The following CHD4 variants were observed in gnomAD, a reference collection of about 807,000 sequenced individuals.
CHD4 encodes the protein ATP-dependent chromatin remodeler CHD4.
Under a neutral mutation model 235.5 loss-of-function variants are expected in CHD4, and 35 were observed. The observed-to-expected ratio is 0.15, with a 90% CI of 0.11 to 0.20. The LOEUF is 0.20. CHD4 is among the 10% of genes least tolerant of loss of function. CHD4 has a pLI of 1.00. For missense variants in CHD4, 1,329 were observed against 2,432.3 expected, an observed-to-expected ratio of 0.55 and a Z score of 9.54; for synonymous variants, 900 against 850.2, an observed-to-expected ratio of 1.06 and a Z score of -1.02.
rs374209480 is a variant in CHD4, at chr12:6,596,168, C to T, written c.1893-31G>A. ...AGTCCAGGAGAGAAAACCCTCAGAG[C>T]CAGAAAAGGCAACCCTCCTCACTTC... On this transcript the variant is annotated intron_variant, in intron 12 of 39. Coordinates refer to ENST00000544040, the MANE Select transcript of CHD4 (RefSeq NM_001273.5). 3.0e-5 allele frequency: 48 copies of T among 1,609,006 alleles called. 1 individual carries two copies. In the African/African-American group the frequency reaches 5.6e-4, roughly 19 times the overall value.
Position 6,581,678 on chromosome 12 carries a change from G to C in CHD4, c.4652C>G (p.Pro1551Arg), listed in dbSNP as rs1948193538. ...AGGTGGGACAGGTGCAGGAGTGTTGGGCTGCGTGTCCCCTGGAGTGGAGGG... is the reference window on the plus strand; with the variant it reads ...AGGTGGGACAGGTGCAGGAGTGTTGCGCTGCGTGTCCCCTGGAGTGGAGGG... The part of the protein sequence containing the change: ...PTPSTPGDTQ[P>R]NTPAPVPPAE... Residue 1551 changes from proline (P) to arginine (R), a missense_variant, in exon 31 of 40, where the codon CCC becomes CGC. Around this residue, in one of 26 missense-constraint regions of CHD4, gnomAD observed 219 missense variants for 219.3 expected, o/e 1.00. Transcript: ENST00000544040. 6.2e-7 allele frequency: 1 copy of C among 1,611,674 alleles called. No homozygotes were observed. Among genetic ancestry groups the C allele is most frequent in the Admixed American group, 1.7e-5 (1 of 59,846 alleles).
intron 12 of CHD4, among the ~76,000 whole-genome samples, chr12:6,596,998 G>A (rs4764608): frequency 0.013 from 2,021 of 150,428 alleles, 100 homozygotes; most frequent in Admixed American, 0.078. Context: ...GGCCGAGTGC[G>A]GCGGCTCACG....
chr12:6,598,152 A>G lies in CHD4; in HGVS notation c.1687-53T>C. ...CCAAGAAGCTGTGTTCATTCCTTCT[A>G]TCCACAAGGCTCTTTTGTCACTATC... On this transcript the variant is annotated intron_variant, in intron 11 of 39. Transcript: ENST00000544040. 3 of 1,611,698 alleles carry G rather than the reference A, an allele frequency of 1.9e-6. 1 individual carries two copies. Among genetic ancestry groups the G allele is most frequent in the Non-Finnish European group, 2.5e-6 (3 of 1,178,192 alleles).
intron 22 of CHD4, among the ~76,000 whole-genome samples, chr12:6,589,495 G>A (rs532866382): frequency 5.3e-5 from 8 of 152,286 alleles, no homozygotes; most frequent in South Asian, 4.1e-4. Flanking sequence ...TCGACTGGGC[G>A]TGGTGGCTCA....
chr12:6,603,511 A>G (rs1310396225), intron 2 of CHD4, among the ~76,000 whole-genome samples: 5 of 143,516 alleles, frequency 3.5e-5, no homozygotes, highest in African/African-American at 7.6e-5. Flanking sequence ...AGCTGCCAAC[A>G]TAGGACAGAC....
chr12:6,582,874 A>G lies in CHD4; in HGVS notation c.4210T>C (p.Leu1404=). The change falls in exon 28 of 40, where the codon TTG becomes CTG. Residue 1404 remains leucine, a synonymous_variant. Coordinates refer to ENST00000544040, the MANE Select transcript of CHD4 (RefSeq NM_001273.5). ...TCAATATTCCCACCAACACGGGCCA[A>G]CAGAGGAGGCAATGGCTTATCTTTA... ...NDKDKPLPPL[L]ARVGGNIEVL... The G allele has an allele frequency of 6.2e-7, 1 of 1,613,980 alleles. No homozygotes were observed. Among genetic ancestry groups the G allele is most frequent in the African/African-American group, 1.3e-5 (1 of 75,050 alleles).
intron 2 of CHD4, among the ~76,000 whole-genome samples, chr12:6,603,459 G>A (rs1948633465): frequency 1.3e-5 from 2 of 151,858 alleles, no homozygotes; most frequent in South Asian, 4.2e-4. Context: ...ACTGAGGAGA[G>A]GGAAAATGGC....
chr12:6,591,833 C>G lies in CHD4; in HGVS notation c.3091-8G>C, dbSNP rs201313750. On this transcript the variant is annotated splice_region_variant and splice_polypyrimidine_tract_variant and intron_variant, in intron 20 of 39. Transcript: ENST00000544040. ...AGGCATCTTAGGAGCTTCCTGAGAA[C>G]AAATGCAAAGAAAAAAGTATTAAAA... The G allele has an allele frequency of 1.9e-6, 3 of 1,613,788 alleles. No individual in the cohort carries two copies. Among genetic ancestry groups the G allele is most frequent in the Admixed American group, 3.3e-5 (2 of 59,930 alleles).
At chr12:6,606,488 G>T in intron 1 of CHD4, 37 bp from the exon 2 acceptor site, 1 of 575,358 alleles carries the variant, frequency 1.7e-6, no homozygotes. Context: ...AGAACAGTCA[G>T]TGACGCGCAC....
rs1948422054 is a variant in CHD4, at chr12:6,592,734, C to T, written c.2736G>A (p.Leu912=). The T allele has an allele frequency of 1.2e-5, 20 of 1,613,904 alleles. No homozygotes were observed. Among genetic ancestry groups the T allele is most frequent in the Non-Finnish European group, 1.6e-5 (19 of 1,180,000 alleles). ...GTPLQNNLEE[L]FHLLNFLTPE... ...GGGTGAGAAAGTTGAGCAGATGAAA[C>T]AACTCTTCCAGATTGTTTTGTAATG... Residue 912 remains leucine, a synonymous_variant, in exon 18 of 40, where the codon TTG becomes TTA. Coordinates refer to ENST00000544040, the MANE Select transcript of CHD4 (RefSeq NM_001273.5).
intron 12 of CHD4, among the ~76,000 whole-genome samples, chr12:6,597,591 C>G (rs188316356): frequency 6.6e-6 from 1 of 152,086 alleles, no homozygotes; most frequent in Admixed American, 6.6e-5. Context: ...GAATGAAAAC[C>G]CTGTCTCTAC....
chr12:6,603,131 C>T (rs1948627985), intron 2 of CHD4: 1 of 152,648 alleles, frequency 6.6e-6, no homozygotes, highest in Admixed American at 6.5e-5. Context: ...GGGTCAGCAG[C>T]CTCTTCTCCC....
Position 6,597,902 on chromosome 12 carries a change from G to A in CHD4, c.1884C>T (p.Leu628=), listed in dbSNP as rs1453136636. The A allele has an allele frequency of 2.5e-6, 4 of 1,614,180 alleles. No individual in the cohort carries two copies. Among genetic ancestry groups the A allele is most frequent in the Non-Finnish European group, 2.5e-6 (3 of 1,180,000 alleles). Residue 628 remains leucine (L), a synonymous_variant, in exon 12 of 40, where the codon CTC becomes CTT. Transcript: ENST00000544040. ...KPEWMMIHRI[L]NHSVDKKGHV... ...GTGTGCTCAGCTGGTACCTGTGGTT[G>A]AGGATTCGGTGGATCATCATCCACT...
Position 6,600,519 on chromosome 12 carries a change from A to G in CHD4, c.1063+15T>C. ...CCACCTCATCCCATCACAAATATAC[A>G]GAAGAGAAACACACCTTTCTTTTTC... On this transcript the variant is annotated intron_variant, in intron 8 of 39. Coordinates refer to ENST00000544040, the MANE Select transcript of CHD4 (RefSeq NM_001273.5). The G allele has an allele frequency of 1.2e-6, 2 of 1,612,850 alleles. No individual in the cohort carries two copies. The highest frequency in any genetic ancestry group is 2.2e-5 in the South Asian group (2 of 91,016).
chr12:6,584,107 A>C lies in CHD4; in HGVS notation c.3880-729T>G, dbSNP rs564369306. 6 of 152,280 alleles carry C rather than the reference A, an allele frequency of 3.9e-5. No homozygotes were observed. In the South Asian group the frequency reaches 1.2e-3, roughly 32 times the overall value. The allele number at this position is 152,280 out of a possible 1,614,324, so 9.4% of individuals were successfully genotyped here. A position where few individuals can be genotyped will look rare whatever the true frequency, so the allele number is the denominator to read the frequency against. On this transcript the variant is annotated intron_variant, in intron 25 of 39. Coordinates refer to ENST00000544040, the MANE Select transcript of CHD4 (RefSeq NM_001273.5). ...CATAGATGGAAAATATTCAGAGAAA[A>C]AACAAAATTATGTCTGTACTCAACA... is the stretch of plus-strand genomic sequence containing the variant.
rs533871420 is a variant in CHD4, at chr12:6,570,574, G to C, written c.*102C>G. On this transcript the variant is annotated 3_prime_UTR_variant, in exon 40 of 40. Coordinates refer to ENST00000544040, the MANE Select transcript of CHD4 (RefSeq NM_001273.5). ...TCCTTTACAACATGGAAGATGGGCA[G>C]AAGGAAGGTGAGGGTCTCTCAGGCC... 7.0e-7 allele frequency: 1 copy of C among 1,426,306 alleles called. No individual in the cohort carries two copies. Among genetic ancestry groups the C allele is most frequent in the African/African-American group, 1.4e-5 (1 of 71,352 alleles). The allele number at this position is 1,426,306 out of a possible 1,614,324, so 88.4% of individuals were successfully genotyped here. A position where few individuals can be genotyped will look rare whatever the true frequency, so the allele number is the denominator to read the frequency against.
At chr12:6,602,795 G>T (rs1948621243) in intron 2 of CHD4, 2 of 271,668 alleles carry the variant, frequency 7.4e-6, no homozygotes, top group East Asian at 1.5e-4. Flanking sequence ...CAGTACAGCT[G>T]AACTGAGCTG....
At chr12:6,598,719 G>C (rs1246241086) in intron 10 of CHD4, among the ~76,000 whole-genome samples, 1 of 152,166 alleles carries the variant, frequency 6.6e-6, no homozygotes, top group Non-Finnish European at 1.5e-5. Context: ...TGAGGCAGGA[G>C]AATCACTTGA....
chr12:6,602,099 GCCA>G lies in CHD4; in HGVS notation c.296_298del (p.Val99del). On this transcript the variant is annotated inframe_deletion, in exon 4 of 40. Transcript: ENST00000544040. ...GCTGCCCTCACTGTCTGAGCGCAGA[GCCA>G]CCTCTTCCTCCTCCTCCACAAACTC... The G allele has an allele frequency of 1.9e-6, 3 of 1,613,558 alleles. No homozygotes were observed. The highest frequency in any genetic ancestry group is 2.5e-6 in the Non-Finnish European group (3 of 1,179,870).
Sources: gnomAD v4.1 joint callset for allele counts (sites outside exome capture counted in the v4.1 genomes callset) on GRCh38, gnomAD v4.1.1 for gene constraint, gnomAD v4.1.1 regional missense constraint, MANE v1.5 for transcripts, NCBI Gene and HGNC (gene_info 2026-07-23, HGNC 2026-07-21) for gene names.